The following C9orf43 variants were observed in gnomAD, a reference collection of about 807,000 sequenced individuals.
The protein encoded by C9orf43 is uncharacterized protein C9orf43.
C9orf43 carries 45 observed loss-of-function variants against 59.1 expected under a neutral mutation model. The ratio of observed to expected loss-of-function variants is 0.76; its 90% confidence interval spans 0.60 to 0.98. The LOEUF is 0.98. C9orf43 is among the 50% of genes least tolerant of loss of function. C9orf43 has a pLI of 0.00. For synonymous variants in C9orf43, 203 were observed against 196.8 expected (o/e 1.03, Z -0.26); for missense variants, 533 against 554.9 (o/e 0.96, Z 0.40).
In C9orf43 at chr9:113,424,257, C is replaced by A. The variant is rs745469839; in HGVS notation, c.748C>A (p.Arg250=). The part of the protein sequence containing the change: ...MKKNLPLEKN[R]PDSVISSKMF... Reference sequence around the variant, plus strand: ...AAAGAATCTTCCCTTGGAAAAGAACCGACCTGACAGTGTGATTTCTTCTAA... The same window carrying A: ...AAAGAATCTTCCCTTGGAAAAGAACAGACCTGACAGTGTGATTTCTTCTAA... Residue 250 remains arginine, a synonymous_variant, in exon 8 of 14, where the codon CGA becomes AGA. Coordinates refer to ENST00000374165, the MANE Select transcript of C9orf43 (RefSeq NM_001278629.2). 6.2e-7 allele frequency: 1 copy of A among 1,613,884 alleles called. No homozygotes were observed. Among genetic ancestry groups the A allele is most frequent in the African/African-American group, 1.3e-5 (1 of 74,884 alleles).
intron 2 of C9orf43, 51 bp from the exon 3 acceptor site, chr9:113,413,708 C>T: frequency 6.2e-7 from 1 of 1,611,500 alleles, no homozygotes; most frequent in Non-Finnish European, 8.5e-7. Flanking sequence ...TATGTGGCTC[C>T]CTTTCTCCAG....
At chr9:113,427,333 G>A (rs1170504886) in intron 11 of C9orf43, among the ~76,000 whole-genome samples, 2 of 152,056 alleles carry the variant, frequency 1.3e-5, no homozygotes, top group East Asian at 1.9e-4. Context: ...GCACCACCAC[G>A]CCTGGCTAAG....
At position 113,429,674 on chromosome 9, in the gene C9orf43, C is replaced by T. The variant is rs987788901; in HGVS notation, c.*288C>T. ...GAATAATTTTGGTGATTAAACACAACTGCTTTTCAATCAAAAGACTTATTT... is the reference window on the plus strand; with the variant it reads ...GAATAATTTTGGTGATTAAACACAATTGCTTTTCAATCAAAAGACTTATTT... On this transcript the variant is annotated 3_prime_UTR_variant, in exon 14 of 14. Coordinates refer to ENST00000374165, the MANE Select transcript of C9orf43 (RefSeq NM_001278629.2). 9.2e-6 allele frequency: 3 copies of T among 325,222 alleles called. No individual in the cohort carries two copies. The highest frequency in any genetic ancestry group is 6.4e-5 in the African/African-American group (3 of 46,794). The allele number at this position is 325,222 out of a possible 1,614,324, so 20.1% of individuals were successfully genotyped here. A position where few individuals can be genotyped will look rare whatever the true frequency, so the allele number is the denominator to read the frequency against.
intron 3 of C9orf43, among the ~76,000 whole-genome samples, chr9:113,417,813 A>G (rs1828424462): frequency 6.6e-6 from 1 of 152,238 alleles, no homozygotes; most frequent in Admixed American, 6.5e-5. Flanking sequence ...AAGAGTGGTC[A>G]GAGATGAGGC....
In C9orf43 at chr9:113,428,179, A is replaced by G. The variant is rs1828859170; in HGVS notation, c.1063A>G (p.Met355Val). 2 of 1,614,138 alleles carry G rather than the reference A, an allele frequency of 1.2e-6. No individual in the cohort carries two copies. The highest frequency in any genetic ancestry group is 1.7e-5 in the Admixed American group (1 of 60,014). ...YRTLPGQNSD[M>V]KQQQQMEKGT... ...AACTCTGCCAGGTCAGAACAGTGAC[A>G]TGAAGCAGCAGCAGCAGATGGAAAA... Residue 355 changes from methionine to valine, a missense_variant, in exon 12 of 14, where the codon ATG becomes GTG. Physicochemically the swap from Met to Val is conservative, Grantham distance 21. Transcript: ENST00000374165.
chr9:113,427,680 G>A (rs771599383), intron 11 of C9orf43, among the ~76,000 whole-genome samples: 2 of 152,234 alleles, frequency 1.3e-5, no homozygotes, highest in Non-Finnish European at 2.9e-5. Flanking sequence ...TCTGGTGGCA[G>A]CTTGGAAGAT....
chr9:113,425,552 A>G, intron 10 of C9orf43, 91 bp from the exon 11 acceptor site: 1 of 1,498,774 alleles, frequency 6.7e-7, no homozygotes, highest in Non-Finnish European at 9.1e-7. Flanking sequence ...CTGGTTGTAG[A>G]TGTTAAATTC....
chr9:113,420,897 C>A, intron 4 of C9orf43: 1 of 520,966 alleles, frequency 1.9e-6, no homozygotes, highest in Non-Finnish European at 2.5e-6. Context: ...AGATTATCTG[C>A]TTATTAATAC....
Position 113,429,244 on chromosome 9 carries a change from A to G in C9orf43, c.1244A>G (p.Gln415Arg), listed in dbSNP as rs766745816. 1.2e-6 allele frequency: 2 copies of G among 1,614,254 alleles called. No individual in the cohort carries two copies. The highest frequency in any genetic ancestry group is 2.2e-5 in the East Asian group (1 of 44,892). ...CCAGTGGACGCTGTGCCAGAAGCCC[A>G]GGCTGCCAGGCAAAAGAAGATCTCC... Reference protein sequence around the residue: ...SAPVDAVPEAQAARQKKISFN... With the variant: ...SAPVDAVPEARAARQKKISFN... The change falls in exon 14 of 14, where the codon CAG becomes CGG. Residue 415 changes from glutamine (Q) to arginine (R), a missense_variant. Gln to Arg is a conservative substitution (Grantham distance 43). Coordinates refer to ENST00000374165, the MANE Select transcript of C9orf43 (RefSeq NM_001278629.2).
Position 113,411,734 on chromosome 9 carries a change from A to C in C9orf43, c.-50+733A>C, listed in dbSNP as rs566503946. 2.4e-3 allele frequency among the ~76,000 whole-genome samples: 365 copies of C among 152,290 alleles called. 1 individual carries two copies. The highest frequency in any genetic ancestry group is 8.1e-3 in the African/African-American group (335 of 41,558). ...CACTCCGTCCCCCAGGCTGGAGTGCAGCGGCACGGTCTCGGCTCACTGTAG... is the reference window on the plus strand; with the variant it reads ...CACTCCGTCCCCCAGGCTGGAGTGCCGCGGCACGGTCTCGGCTCACTGTAG... On this transcript the variant is annotated intron_variant, in intron 1 of 13. Coordinates refer to ENST00000374165, the MANE Select transcript of C9orf43 (RefSeq NM_001278629.2).
chr9:113,413,473 T>C lies in C9orf43; in HGVS notation c.-21T>C, dbSNP rs374346037. ...ACTAGAATGCTGCAGGGTTGGCCTT[T>C]GGCCTAAACCATTTCTAGCTATGGA... On this transcript the variant is annotated 5_prime_UTR_variant, in exon 2 of 14. Transcript: ENST00000374165. 28 of 1,603,908 alleles carry C rather than the reference T, an allele frequency of 1.7e-5. No individual in the cohort carries two copies. The African/African-American group carries it at 3.1e-4, about 18-fold the overall frequency.
Position 113,416,118 on chromosome 9 carries a change from A to G in C9orf43, c.287+2224A>G, listed in dbSNP as rs746477776. On this transcript the variant is annotated intron_variant, in intron 3 of 13. Transcript: ENST00000374165. ...TTCAGTGTGTCTTGCTTTCTGCTTCACACTCTCTGTCGGAGACCAGTCCTT... is the reference window on the plus strand; with the variant it reads ...TTCAGTGTGTCTTGCTTTCTGCTTCGCACTCTCTGTCGGAGACCAGTCCTT... Among the ~76,000 whole-genome samples the G allele has an allele frequency of 4.8e-4, 73 of 152,274 alleles. 1 individual carries two copies. The highest frequency in any genetic ancestry group is 6.8e-3 in the Middle Eastern group (2 of 294).
Position 113,421,101 on chromosome 9 carries a change from A to T in C9orf43, c.346-2A>T. Reference sequence around the variant, plus strand: ...TACATAGGCTTTATATCTTTCTCTTAGTTTCCAGTGTTGAATTTGAATGAG... The same window carrying T: ...TACATAGGCTTTATATCTTTCTCTTTGTTTCCAGTGTTGAATTTGAATGAG... On this transcript the variant is annotated splice_acceptor_variant, in intron 4 of 13. Coordinates refer to ENST00000374165, the MANE Select transcript of C9orf43 (RefSeq NM_001278629.2). LOFTEE classifies it high-confidence loss of function. 1 of 1,611,356 alleles carries T rather than the reference A, an allele frequency of 6.2e-7. No individual in the cohort carries two copies. Among genetic ancestry groups the T allele is most frequent in the Non-Finnish European group, 8.5e-7 (1 of 1,177,656 alleles).
At chr9:113,411,993 C>A (rs564065522) in intron 1 of C9orf43, among the ~76,000 whole-genome samples, 2 of 152,318 alleles carry the variant, frequency 1.3e-5, no homozygotes, top group Admixed American at 1.3e-4. Flanking sequence ...AGAATTAATG[C>A]TGCTTTTTTT....
chr9:113,422,354 C>A (rs956995863), intron 5 of C9orf43, among the ~76,000 whole-genome samples, 195 bp from the exon 6 acceptor site: 5 of 152,192 alleles, frequency 3.3e-5, no homozygotes, highest in Non-Finnish European at 7.3e-5. Context: ...GCAGAAGGTA[C>A]TTGGGCAGCA....
At chr9:113,419,462 C>T (rs1198345673) in intron 4 of C9orf43, among the ~76,000 whole-genome samples, 2 of 152,040 alleles carry the variant, frequency 1.3e-5, no homozygotes, top group Admixed American at 6.6e-5. Flanking sequence ...TAAATACTGT[C>T]GTCTCATAAT....
At chr9:113,424,113 G>A in intron 7 of C9orf43, 53 bp from the exon 8 acceptor site, 1 of 1,532,138 alleles carries the variant, frequency 6.5e-7, no homozygotes, top group South Asian at 1.3e-5. Context: ...CCTCAGCCAT[G>A]CTTTCCGGGA....
At chr9:113,413,415 T>A in intron 1 of C9orf43, 30 bp from the exon 2 acceptor site, 1 of 1,530,156 alleles carries the variant, frequency 6.5e-7, no homozygotes, top group East Asian at 2.3e-5. Flanking sequence ...TGTATAATAC[T>A]CCCTAATTAT....
In C9orf43 at chr9:113,424,390, T is replaced by A. The variant is rs942270372; in HGVS notation, c.807+74T>A. The A allele has an allele frequency of 3.4e-6, 5 of 1,468,668 alleles. No homozygotes were observed. In the African/African-American group the frequency reaches 7.1e-5, roughly 21 times the overall value. The allele number at this position is 1,468,668 out of a possible 1,614,324, so 91.0% of individuals were successfully genotyped here. The stretch of plus-strand genomic sequence containing the variant: ...CCATCTCTCCTCAAATCTGGAAGAG[T>A]TGACATTCTATTCCTTATCTCCCTT... On this transcript the variant is annotated intron_variant, in intron 8 of 13. Coordinates refer to ENST00000374165, the MANE Select transcript of C9orf43 (RefSeq NM_001278629.2).
Sources: allele counts gnomAD v4.1 joint callset (sites outside exome capture counted in the v4.1 genomes callset), GRCh38; gene constraint gnomAD v4.1.1; transcripts MANE v1.5; gene names NCBI Gene and HGNC (gene_info 2026-07-23, HGNC 2026-07-21).